The following FOXK1 variants were observed in gnomAD, a reference collection of about 807,000 sequenced individuals.
FOXK1 encodes forkhead box K1, also known as forkhead box protein K1.
FOXK1 carries 19 observed loss-of-function variants against 51.9 expected under a neutral mutation model. The ratio of observed to expected loss-of-function variants is 0.37; its 90% CI spans 0.26 to 0.54. FOXK1 has a LOEUF of 0.54. Ranked by LOEUF, FOXK1 falls within the 20% of genes least tolerant of loss-of-function variation. The pLI is 0.87. For synonymous variants in FOXK1, 537 were observed against 482.6 expected (o/e 1.11, Z -1.48); for missense variants, 870 against 1,032.7 (o/e 0.84, Z 2.16).
rs1200036645 is a variant in FOXK1, at chr7:4,702,479, A to G, written c.560+19611A>G. Among the ~76,000 whole-genome samples the G allele has an allele frequency of 3.9e-5, 6 of 151,978 alleles. No homozygotes were observed. In the East Asian group the frequency reaches 7.7e-4, roughly 20 times the overall value. ...TGCCTCAGCCTCCGGAGTAGCTGGGATTACAGGCACGCGCCACCATGCCTG... is the reference window on the plus strand; with the variant it reads ...TGCCTCAGCCTCCGGAGTAGCTGGGGTTACAGGCACGCGCCACCATGCCTG... On this transcript the variant is annotated intron_variant, in intron 1 of 8. Transcript: ENST00000328914.
chr7:4,713,371 C>T (rs753374796), intron 1 of FOXK1, among the ~76,000 whole-genome samples: 44 of 148,234 alleles, frequency 3.0e-4, no homozygotes, highest in Non-Finnish European at 5.7e-4. Context: ...GGCTTGGTGT[C>T]GCGGAAAAAA....
At chr7:4,716,862 T>C (rs921356674) in intron 1 of FOXK1, among the ~76,000 whole-genome samples, 1 of 152,256 alleles carries the variant, frequency 6.6e-6, no homozygotes, top group African/African-American at 2.4e-5. Context: ...TTTTTCTTTA[T>C]CTTAATAGAG....
rs1408868903 is a variant in FOXK1, at chr7:4,715,026, A to G, written c.561-25812A>G. ...GAACAGAAGCCACACACCAGCGACA[A>G]TCAGAGGTTACATAGGCTTGGGGCG... On this transcript the variant is annotated intron_variant, in intron 1 of 8. Coordinates refer to ENST00000328914, the MANE Select transcript of FOXK1 (RefSeq NM_001037165.2). The surrounding 1 kb of genome is among the most constrained non-coding windows in gnomAD (Gnocchi z 4.5). 6.6e-6 allele frequency among the ~76,000 whole-genome samples: 1 copy of G among 152,182 alleles called. No homozygotes were observed. Among genetic ancestry groups the G allele is most frequent in the Non-Finnish European group, 1.5e-5 (1 of 68,042 alleles).
rs2115048632 is a variant in FOXK1 at position 4,722,497 on chromosome 7, C to G, written c.561-18341C>G. The stretch of plus-strand genomic sequence containing the variant: ...GGCAGGGCAGTGGGCTGCTCAGCAC[C>G]AGTGGCCTCAGCCCAGTGCCAGCGT... On this transcript the variant is annotated intron_variant, in intron 1 of 8. Coordinates refer to ENST00000328914, the MANE Select transcript of FOXK1 (RefSeq NM_001037165.2). The surrounding 1 kb of genome is among the most constrained non-coding windows in gnomAD (Gnocchi z 5.1). 6.6e-6 allele frequency among the ~76,000 whole-genome samples: 1 copy of G among 152,334 alleles called. No individual in the cohort carries two copies. The highest frequency in any genetic ancestry group is 1.9e-4 in the East Asian group (1 of 5,176).
intron 1 of FOXK1, among the ~76,000 whole-genome samples, chr7:4,692,076 AT>A (rs1307642059): frequency 6.6e-6 from 1 of 152,172 alleles, no homozygotes; most frequent in African/African-American, 2.4e-5. Flanking sequence ...ATGCATATTT[AT>A]TTATCTACTC....
rs1433833066 is a variant in FOXK1, at chr7:4,759,611, C to T, written c.1696+16C>T. The T allele has an allele frequency of 2.0e-6, 3 of 1,529,924 alleles. No homozygotes were observed. In the African/African-American group the frequency reaches 4.1e-5, roughly 21 times the overall value. 94.8% of individuals were successfully genotyped at this position (1,529,924 alleles called of 1,614,324 possible). On this transcript the variant is annotated intron_variant, in intron 7 of 8. Transcript: ENST00000328914. ...GAGGCCAGAGGTAATGCAGCCGCGG[C>T]TGGCAGCCTTCGCAGGACCCTTTGT...
intron 1 of FOXK1, among the ~76,000 whole-genome samples, chr7:4,704,170 G>A (rs1247765644): frequency 6.6e-6 from 1 of 152,076 alleles, no homozygotes; most frequent in East Asian, 1.9e-4. Flanking sequence ...AACATCCCTG[G>A]CCGGGCGTGG....
At chr7:4,708,817 C>G (rs2115039849) in intron 1 of FOXK1, among the ~76,000 whole-genome samples, 1 of 152,258 alleles carries the variant, frequency 6.6e-6, no homozygotes, top group South Asian at 2.1e-4. Flanking sequence ...GTAATCCCAG[C>G]ACTTTGGGAG....
chr7:4,684,115 C>T (rs897075132), intron 1 of FOXK1, among the ~76,000 whole-genome samples: 1 of 152,212 alleles, frequency 6.6e-6, no homozygotes, highest in African/African-American at 2.4e-5. Context: ...CCTCCGCACC[C>T]TCTGCTCTGC....
chr7:4,754,451 C>T lies in FOXK1; in HGVS notation c.747-8C>T, dbSNP rs1780816427. Reference sequence around the variant, plus strand: ...CCATGAACTTACAGTGTCCTTCTCTCTCCTCAGTGTCCCCAACTCCTGCCC... The same window carrying T: ...CCATGAACTTACAGTGTCCTTCTCTTTCCTCAGTGTCCCCAACTCCTGCCC... On this transcript the variant is annotated splice_polypyrimidine_tract_variant and splice_region_variant and intron_variant, in intron 2 of 8. Transcript: ENST00000328914. The T allele has an allele frequency of 2.5e-6, 4 of 1,612,132 alleles. No homozygotes were observed. The highest frequency in any genetic ancestry group is 3.3e-5 in the Admixed American group (2 of 60,008).
At chr7:4,716,912 C>G (rs1235026067) in intron 1 of FOXK1, among the ~76,000 whole-genome samples, 1 of 152,180 alleles carries the variant, frequency 6.6e-6, no homozygotes, top group Non-Finnish European at 1.5e-5. Flanking sequence ...GTATGTGCAG[C>G]ACATCCCCAG....
At chr7:4,702,382 G>A (rs1157299044) in intron 1 of FOXK1, among the ~76,000 whole-genome samples, 2 of 151,882 alleles carry the variant, frequency 1.3e-5, no homozygotes, top group Admixed American at 1.3e-4. Context: ...TCACTCTGTC[G>A]CCCAGGCTGT....
At chr7:4,746,299 A>G (rs1162266343) in intron 2 of FOXK1, among the ~76,000 whole-genome samples, 1 of 152,168 alleles carries the variant, frequency 6.6e-6, no homozygotes, top group Non-Finnish European at 1.5e-5. Flanking sequence ...TGTTTTGTAA[A>G]GTTAGAGGTC....
Position 4,735,413 on chromosome 7 carries a change from T to C in FOXK1, c.561-5425T>C, listed in dbSNP as rs1780539557. ...TTTCCATTGTTCCAGTCCGTGGTTT[T>C]CAGCGCATTCGCAGAGTTGCGCGGC... On this transcript the variant is annotated intron_variant, in intron 1 of 8. Transcript: ENST00000328914. The surrounding 1 kb of genome is among the most constrained non-coding windows in gnomAD (Gnocchi z 4.7). Among the ~76,000 whole-genome samples, 1 of 152,204 alleles carries C rather than the reference T, an allele frequency of 6.6e-6. No homozygotes were observed. The highest frequency in any genetic ancestry group is 6.5e-5 in the Admixed American group (1 of 15,282).
Position 4,762,260 on chromosome 7 carries a change from G to T in FOXK1, c.1998G>T (p.Glu666Asp). The T allele has an allele frequency of 1.9e-6, 3 of 1,551,716 alleles. No homozygotes were observed. The highest frequency in any genetic ancestry group is 2.6e-6 in the Non-Finnish European group (3 of 1,147,236). ...SAPVVVTRVC[E>D]VGPKEPAAAV... The stretch of plus-strand genomic sequence containing the variant: ...CGGTGGTGGTCACCCGGGTGTGCGA[G>T]GTGGGGCCCAAGGAGCCAGCAGCAG... Residue 666 changes from glutamate to aspartate, a missense_variant, in exon 9 of 9, where the codon GAG becomes GAT. Transcript: ENST00000328914. The surrounding 1 kb of genome is among the most constrained non-coding windows in gnomAD (Gnocchi z 5.7).
chr7:4,719,622 C>T (rs1010687083), intron 1 of FOXK1, among the ~76,000 whole-genome samples: 2 of 152,112 alleles, frequency 1.3e-5, no homozygotes, highest in Non-Finnish European at 2.9e-5. Flanking sequence ...GCTGGGACTA[C>T]AGGCACACGC....
intron 1 of FOXK1, among the ~76,000 whole-genome samples, chr7:4,690,438 G>C (rs919656978): frequency 3.9e-5 from 6 of 152,232 alleles, no homozygotes; most frequent in African/African-American, 1.4e-4. Context: ...ACTGTCAACT[G>C]GTTAAAGTTA....
Position 4,762,572 on chromosome 7 carries a change from G to A in FOXK1, c.*108G>A. ...AGACGGAGGAGAACAGCCCGCGGCG[G>A]CCTGTGGGCATCGGCGGCACCTGGA... is the stretch of plus-strand genomic sequence containing the variant. On this transcript the variant is annotated 3_prime_UTR_variant, in exon 9 of 9. Coordinates refer to ENST00000328914, the MANE Select transcript of FOXK1 (RefSeq NM_001037165.2). The surrounding 1 kb of genome is among the most constrained non-coding windows in gnomAD (Gnocchi z 5.7). 1.7e-6 allele frequency: 2 copies of A among 1,173,490 alleles called. No individual in the cohort carries two copies. The highest frequency in any genetic ancestry group is 2.3e-6 in the Non-Finnish European group (2 of 855,348). 72.7% of individuals were successfully genotyped at this position (1,173,490 alleles called of 1,614,324 possible). A position where few individuals can be genotyped will look rare whatever the true frequency, so the allele number is the denominator to read the frequency against.
Position 4,735,862 on chromosome 7 carries a change from T to G in FOXK1, c.561-4976T>G, listed in dbSNP as rs951368584. ...CTGAGCATGCTGGGGAAACATCTAT[T>G]TAAAAATCAAGCCAGGTGCAGCGGC... On this transcript the variant is annotated intron_variant, in intron 1 of 8. Transcript: ENST00000328914. The surrounding 1 kb of genome is among the most constrained non-coding windows in gnomAD (Gnocchi z 4.7). Among the ~76,000 whole-genome samples, 3 of 152,138 alleles carry G rather than the reference T, an allele frequency of 2.0e-5. No homozygotes were observed. Among genetic ancestry groups the G allele is most frequent in the African/African-American group, 7.2e-5 (3 of 41,422 alleles).
Sources: gnomAD v4.1 joint callset for allele counts (sites outside exome capture counted in the v4.1 genomes callset) on GRCh38, gnomAD v4.1.1 for gene constraint, Gnocchi (gnomAD v3.1) non-coding constraint, MANE v1.5 for transcripts, NCBI Gene and HGNC (gene_info 2026-07-23, HGNC 2026-07-21) for gene names.